The following OR9Q1 variants were observed in gnomAD, a reference collection of about 807,000 sequenced individuals.
The protein encoded by OR9Q1 is olfactory receptor 9Q1.
For synonymous variants in OR9Q1, 153 were observed against 148.6 expected (o/e 1.03, Z -0.22); for missense variants, 374 against 378.8 (o/e 0.99, Z 0.11).
At chr11:58,094,887 C>T (rs1853715950) in intron 2 of OR9Q1, among the ~76,000 whole-genome samples, 1 of 152,190 alleles carries the variant, frequency 6.6e-6, no homozygotes, top group Non-Finnish European at 1.5e-5. Context: ...CATGCATCTT[C>T]AACAGATTTT....
chr11:58,028,799 A>G (rs1259076503), intron 1 of OR9Q1, among the ~76,000 whole-genome samples: 13 of 152,362 alleles, frequency 8.5e-5, no homozygotes, highest in Admixed American at 3.9e-4. Flanking sequence ...GCGAAGACGC[A>G]CGCAGAAATC....
chr11:58,031,869 G>A, intron 1 of OR9Q1: 1 of 1,613,522 alleles, frequency 6.2e-7, no homozygotes, highest in Non-Finnish European at 8.5e-7. Flanking sequence ...GGAGCTCTGG[G>A]TCGAGTCTTT....
Position 58,119,998 on chromosome 11 carries a change from T to A in OR9Q1, c.-14-59433T>A, listed in dbSNP as rs535051866. ...TGAATCTGCTCTTCCTGCCCACCAT[T>A]CCCTTATAGTACACATTGATATATT... On this transcript the variant is annotated intron_variant, in intron 2 of 2. Transcript: ENST00000335397. Among the ~76,000 whole-genome samples, 5 of 152,254 alleles carry A rather than the reference T, an allele frequency of 3.3e-5. No individual in the cohort carries two copies. The South Asian group carries it at 1.0e-3, about 32-fold the overall frequency.
chr11:58,055,154 C>T (rs576649897), intron 1 of OR9Q1, among the ~76,000 whole-genome samples: 1 of 148,628 alleles, frequency 6.7e-6, no homozygotes, highest in Non-Finnish European at 1.5e-5. Context: ...TAGATCTTAA[C>T]CTTCTCATCT....
chr11:58,083,768 T>C (rs976127458), intron 2 of OR9Q1, among the ~76,000 whole-genome samples: 10 of 151,970 alleles, frequency 6.6e-5, no homozygotes, highest in African/African-American at 2.2e-4. Context: ...CACATGGTTG[T>C]AGGTGTGTGG....
rs143851919 is a variant in OR9Q1 at position 58,112,217 on chromosome 11, C to A, written c.-15+56270C>A. On this transcript the variant is annotated intron_variant, in intron 2 of 2. Transcript: ENST00000335397. ...CTGAGGCAGGAGAATTTCTTGAACCCGGGAGGTGGAGGTTGCAGTGAGCTG... is the reference window on the plus strand; with the variant it reads ...CTGAGGCAGGAGAATTTCTTGAACCAGGGAGGTGGAGGTTGCAGTGAGCTG... Among the ~76,000 whole-genome samples the A allele has an allele frequency of 6.6e-4, 100 of 151,984 alleles. 1 individual carries two copies. In the East Asian group the frequency reaches 0.017, roughly 26 times the overall value.
intron 2 of OR9Q1, among the ~76,000 whole-genome samples, chr11:58,100,839 A>C (rs1853776886): frequency 6.6e-6 from 1 of 152,294 alleles, no homozygotes; most frequent in South Asian, 2.1e-4. Flanking sequence ...CATCCATATA[A>C]AAGAATGAAA....
intron 2 of OR9Q1, among the ~76,000 whole-genome samples, chr11:58,105,080 ATTTTT>A (rs5792080): frequency 6.7e-6 from 1 of 149,182 alleles, no homozygotes; most frequent in Non-Finnish European, 1.5e-5. Context: ...GAGAAGGTAG[ATTTTT>A]TTTTTTTGTA....
chr11:58,162,852 G>A (rs994415994), intron 2 of OR9Q1, among the ~76,000 whole-genome samples: 4 of 152,084 alleles, frequency 2.6e-5, no homozygotes, highest in East Asian at 1.9e-4. Context: ...TCGGATCTTC[G>A]CAGAGCTCTT....
chr11:58,175,282 C>T (rs528489135), intron 2 of OR9Q1, among the ~76,000 whole-genome samples: 20 of 152,032 alleles, frequency 1.3e-4, no homozygotes, highest in Non-Finnish European at 2.1e-4. Flanking sequence ...CAGATGGTAG[C>T]GGACAGTCTC....
rs531811136 is a variant in OR9Q1 at position 58,117,670 on chromosome 11, T to A, written c.-15+61723T>A. The A allele has an allele frequency of 4.6e-5, 7 of 152,336 alleles. No individual in the cohort carries two copies. In the East Asian group the frequency reaches 1.4e-3, roughly 29 times the overall value. The allele number at this position is 152,336 out of a possible 1,614,324, so 9.4% of individuals were successfully genotyped here. Reference sequence around the variant, plus strand: ...TCTGTTGGTGCTCTCTGATTTGCTCTTCCTGGAAATGGGTTGCTTGGTAGG... The same window carrying A: ...TCTGTTGGTGCTCTCTGATTTGCTCATCCTGGAAATGGGTTGCTTGGTAGG... On this transcript the variant is annotated intron_variant, in intron 2 of 2. Coordinates refer to ENST00000335397, the MANE Select transcript of OR9Q1 (RefSeq NM_001005212.4).
chr11:58,071,008 A>G (rs990341451), intron 2 of OR9Q1, among the ~76,000 whole-genome samples: 1 of 152,188 alleles, frequency 6.6e-6, no homozygotes, highest in Non-Finnish European at 1.5e-5. Flanking sequence ...GGGTTTCCTC[A>G]GTTCAGCTCC....
intron 2 of OR9Q1, chr11:58,109,773 C>T (rs943397762): frequency 8.5e-6 from 3 of 353,646 alleles, no homozygotes; most frequent in African/African-American, 4.3e-5. Context: ...AGCCTCTGCT[C>T]AGAGAGAAAA....
intron 1 of OR9Q1, chr11:58,031,123 A>G: frequency 6.2e-7 from 1 of 1,614,186 alleles, no homozygotes; most frequent in Non-Finnish European, 8.5e-7. Context: ...ACCACCGACT[A>G]CGGAGACCCA....
intron 2 of OR9Q1, among the ~76,000 whole-genome samples, chr11:58,089,564 A>G (rs1444999641): frequency 6.6e-6 from 1 of 151,856 alleles, no homozygotes; most frequent in Admixed American, 6.6e-5. Flanking sequence ...GCCTTGTAGT[A>G]TAGTTTGAAG....
At chr11:58,098,215 A>G (rs1372628076) in intron 2 of OR9Q1, among the ~76,000 whole-genome samples, 1 of 152,074 alleles carries the variant, frequency 6.6e-6, no homozygotes, top group African/African-American at 2.4e-5. Flanking sequence ...CGTCGTGGGG[A>G]TGGAGTGGGA....
chr11:58,139,598 A>G (rs1297093231), intron 2 of OR9Q1, among the ~76,000 whole-genome samples: 13 of 152,068 alleles, frequency 8.5e-5, no homozygotes, highest in Non-Finnish European at 1.5e-5. Context: ...CCATGTCCCA[A>G]CAAAGGACAT....
intron 1 of OR9Q1, among the ~76,000 whole-genome samples, chr11:58,054,287 G>C (rs1853305526): frequency 6.6e-6 from 1 of 152,134 alleles, no homozygotes. Flanking sequence ...AAAAGAGGTG[G>C]TCATCTTTTC....
intron 2 of OR9Q1, among the ~76,000 whole-genome samples, chr11:58,082,394 C>A (rs1484524845): frequency 6.6e-6 from 1 of 152,000 alleles, no homozygotes; most frequent in Non-Finnish European, 1.5e-5. Flanking sequence ...GGCACATATA[C>A]ACCATGGAAT....
Sources: allele counts gnomAD v4.1 joint callset (sites outside exome capture counted in the v4.1 genomes callset), GRCh38; gene constraint gnomAD v4.1.1; transcripts MANE v1.5; gene names NCBI Gene and HGNC (gene_info 2026-07-23, HGNC 2026-07-21).